Variants in COX16 observed in about 807,000 individuals in gnomAD.
COX16 encodes cytochrome c oxidase assembly factor COX16, also known as cytochrome c oxidase assembly protein COX16 homolog, mitochondrial.
A neutral mutation model predicts 15.4 loss-of-function variants in COX16; 12 were observed. That is an observed-to-expected ratio of 0.78 (90% CI 0.50 to 1.26). The LOEUF (loss-of-function observed/expected upper bound fraction) is 1.26. Among genes scored for constraint, COX16 ranks in the 50% most tolerant of loss-of-function variants. The pLI is 0.00. For missense variants in COX16, 124 were observed against 127.6 expected, an observed-to-expected ratio of 0.97 and a Z score of 0.14; for synonymous variants, 46 against 41.1, an observed-to-expected ratio of 1.12 and a Z score of -0.46.
At chr14:70,331,374 T>G (rs1015662587) in intron 2 of COX16, among the ~76,000 whole-genome samples, 1 of 152,064 alleles carries the variant, frequency 6.6e-6, no homozygotes, top group African/African-American at 2.4e-5. Context: ...CTAAAAGGTT[T>G]ATAATCTGGC....
intron 1 of COX16, among the ~76,000 whole-genome samples, chr14:70,354,287 G>GT (rs1887058329): frequency 6.6e-6 from 1 of 152,214 alleles, no homozygotes; most frequent in African/African-American, 2.4e-5. Flanking sequence ...ATGTCAAAAT[G>GT]TAAGATTTGT....
chr14:70,329,352 C>A, intron 2 of COX16, 116 bp from the exon 3 acceptor site: 30 of 726,154 alleles, frequency 4.1e-5, no homozygotes, highest in Non-Finnish European at 4.9e-5. Flanking sequence ...AAACACATGG[C>A]AAAATCTCCA....
chr14:70,331,350 TAAG>T (rs35585577), intron 2 of COX16, among the ~76,000 whole-genome samples: 10,878 of 151,798 alleles, frequency 0.072, 550 homozygotes, highest in Non-Finnish European at 0.11. Context: ...AAGATACCAT[TAAG>T]AAAGTGAAGA....
intron 2 of COX16, among the ~76,000 whole-genome samples, chr14:70,333,340 G>C (rs1424768500): frequency 6.6e-6 from 1 of 152,160 alleles, no homozygotes; most frequent in African/African-American, 2.4e-5. Context: ...AAAAGACAGA[G>C]AGCCATTTAG....
At chr14:70,354,841 C>T (rs61977536) in intron 1 of COX16, among the ~76,000 whole-genome samples, 2,147 of 148,956 alleles carry the variant, frequency 0.014, 35 homozygotes, top group African/African-American at 0.044. Context: ...TGTGTGTGTG[C>T]GTGTGTGTGT....
At chr14:70,344,616 T>C (rs972827311) in intron 1 of COX16, among the ~76,000 whole-genome samples, 2 of 152,218 alleles carry the variant, frequency 1.3e-5, no homozygotes, top group African/African-American at 4.8e-5. Flanking sequence ...AAGACACCTG[T>C]AGATTTCCCT....
In COX16 at chr14:70,342,682, G is replaced by A; in HGVS notation, c.117C>T (p.Ile39=). The stretch of plus-strand genomic sequence containing the variant: ...CTTTACTCTTCACAGCATCATATCG[G>A]ATTTGAGAAAACTCACGAAGACCAA... ...GSFGLREFSQ[I]RYDAVKSKMD... The change falls in exon 2 of 4, where the codon ATC becomes ATT. Residue 39 remains isoleucine (I), a synonymous_variant. Transcript: ENST00000389912. 6.2e-7 allele frequency: 1 copy of A among 1,613,022 alleles called. No homozygotes were observed. Among genetic ancestry groups the A allele is most frequent in the Non-Finnish European group, 8.5e-7 (1 of 1,179,722 alleles).
At chr14:70,329,084 G>T in intron 3 of COX16, 90 bp downstream of exon 3, 6 of 1,220,206 alleles carry the variant, frequency 4.9e-6, no homozygotes, top group Non-Finnish European at 6.7e-6. Context: ...TATATTCAAC[G>T]TAATTTTTTT....
At position 70,326,297 on chromosome 14, in the gene COX16, T is replaced by TAA; in HGVS notation, c.*35_*36insTT. 1 of 1,398,992 alleles carries TAA rather than the reference T, an allele frequency of 7.1e-7. No homozygotes were observed. 86.7% of individuals were successfully genotyped at this position (1,398,992 alleles called of 1,614,324 possible). ...GAAGTCCAGTTAATAATATTTTTATTTAAAAAAAAAAAAAAGGAAAAAAGA... is the reference window on the plus strand; with the variant it reads ...GAAGTCCAGTTAATAATATTTTTATTAATAAAAAAAAAAAAAAGGAAAAAAGA... On this transcript the variant is annotated 3_prime_UTR_variant, in exon 4 of 4. Transcript: ENST00000389912.
intron 1 of COX16, among the ~76,000 whole-genome samples, chr14:70,345,938 G>A (rs549732889): frequency 2.0e-4 from 31 of 151,816 alleles, no homozygotes; most frequent in Admixed American, 1.9e-3. Context: ...CATCTTCCCA[G>A]CTGCCATCTT....
In COX16 at chr14:70,326,261, GTATA is replaced by G; in HGVS notation, c.*68_*71del. The G allele has an allele frequency of 3.3e-6, 4 of 1,207,146 alleles. No individual in the cohort carries two copies. Among genetic ancestry groups the G allele is most frequent in the Non-Finnish European group, 4.3e-6 (4 of 931,274 alleles). The allele number at this position is 1,207,146 out of a possible 1,614,324, so 74.8% of individuals were successfully genotyped here. A position where few individuals can be genotyped will look rare whatever the true frequency, so the allele number is the denominator to read the frequency against. ...GGAATTTCCTTTCCACTTGATAGAA[GTATA>G]TATTAGGAAGTCCAGTTAATAATAT... On this transcript the variant is annotated 3_prime_UTR_variant, in exon 4 of 4. Transcript: ENST00000389912.
intron 1 of COX16, among the ~76,000 whole-genome samples, chr14:70,351,654 G>A (rs1886959981): frequency 6.6e-6 from 1 of 151,942 alleles, no homozygotes; most frequent in Non-Finnish European, 1.5e-5. Flanking sequence ...ATGTATTTTA[G>A]ATTAAAGTAT....
In COX16 at chr14:70,359,104, C is replaced by T. The variant is rs1041742451; in HGVS notation, c.69+415G>A. 47 of 442,778 alleles carry T rather than the reference C, an allele frequency of 1.1e-4. 1 individual carries two copies. The highest frequency in any genetic ancestry group is 6.0e-4 in the Admixed American group (25 of 41,710). 27.4% of individuals were successfully genotyped at this position (442,778 alleles called of 1,614,324 possible). On this transcript the variant is annotated intron_variant, in intron 1 of 3. Coordinates refer to ENST00000389912, the MANE Select transcript of COX16 (RefSeq NM_016468.7). ...ATGGAATACATCTAGTCCCAATGATCCACAGTATCGTCAAAACATAGCTAA... is the reference window on the plus strand; with the variant it reads ...ATGGAATACATCTAGTCCCAATGATTCACAGTATCGTCAAAACATAGCTAA...
chr14:70,326,105 T>G lies in COX16; in HGVS notation c.*228A>C, dbSNP rs190325721. ...TATTCACATTTTTTATTTCGAGGTG[T>G]AAAATATACGTGGCCAACATTGTTA... is the stretch of plus-strand genomic sequence containing the variant. On this transcript the variant is annotated 3_prime_UTR_variant, in exon 4 of 4. Transcript: ENST00000389912. 1.1e-3 allele frequency: 283 copies of G among 266,812 alleles called. No individual in the cohort carries two copies. The highest frequency in any genetic ancestry group is 5.7e-3 in the African/African-American group (258 of 45,300). 16.5% of individuals were successfully genotyped at this position (266,812 alleles called of 1,614,324 possible). A position where few individuals can be genotyped will look rare whatever the true frequency, so the allele number is the denominator to read the frequency against.
chr14:70,333,020 G>C (rs761332953), intron 2 of COX16, among the ~76,000 whole-genome samples: 10 of 152,126 alleles, frequency 6.6e-5, no homozygotes, highest in Non-Finnish European at 1.3e-4. Context: ...ACTCTCTAGG[G>C]CTGAGGCAGC....
chr14:70,331,433 C>T (rs544617933), intron 2 of COX16, among the ~76,000 whole-genome samples: 84 of 151,782 alleles, frequency 5.5e-4, no homozygotes, highest in African/African-American at 2.0e-3. Flanking sequence ...CCCAATAATC[C>T]AGTAGAAAAA....
At chr14:70,333,588 G>A (rs190213117) in intron 2 of COX16, among the ~76,000 whole-genome samples, 32 of 152,246 alleles carry the variant, frequency 2.1e-4, no homozygotes, top group African/African-American at 7.5e-4. Context: ...AGGATCTATG[G>A]AACAACATAA....
At chr14:70,348,577 C>T (rs1349426974) in intron 1 of COX16, among the ~76,000 whole-genome samples, 2 of 152,088 alleles carry the variant, frequency 1.3e-5, no homozygotes, top group African/African-American at 2.4e-5. Flanking sequence ...CACCCCCTCA[C>T]ACACACTACT....
intron 2 of COX16, among the ~76,000 whole-genome samples, chr14:70,336,344 G>C (rs1886456338): frequency 6.6e-6 from 1 of 152,186 alleles, no homozygotes; most frequent in Admixed American, 6.5e-5. Context: ...CAGGAGGAGA[G>C]ATTAGGAAGC....
Sources: allele counts gnomAD v4.1 joint callset (sites outside exome capture counted in the v4.1 genomes callset), GRCh38; gene constraint gnomAD v4.1.1; transcripts MANE v1.5; gene names NCBI Gene and HGNC (gene_info 2026-07-23, HGNC 2026-07-21).